Variants in ADGRG5 observed in about 807,000 individuals in gnomAD.
ADGRG5 encodes adhesion G protein-coupled receptor G5, also known as G protein-coupled receptor 114.
In ADGRG5, 37 loss-of-function variants were observed where a neutral mutation model predicts 53.2. The observed-to-expected ratio is 0.70, with a 90% confidence interval of 0.53 to 0.91. The LOEUF (loss-of-function observed/expected upper bound fraction) is 0.91. ADGRG5 is among the 40% of genes least tolerant of loss of function. The pLI is 0.00. For missense variants in ADGRG5, 614 were observed against 675.8 expected (o/e 0.91, Z 1.01); for synonymous variants, 277 against 290.4 (o/e 0.95, Z 0.47).
chr16:57,577,135 A>T lies in ADGRG5; in HGVS notation c.*1597A>T, dbSNP rs2033537681. 6.6e-6 allele frequency: 1 copy of T among 152,226 alleles called. No individual in the cohort carries two copies. Among genetic ancestry groups the T allele is most frequent in the African/African-American group, 2.4e-5 (1 of 41,448 alleles). 9.4% of individuals were successfully genotyped at this position (152,226 alleles called of 1,614,324 possible). A position where few individuals can be genotyped will look rare whatever the true frequency, so the allele number is the denominator to read the frequency against. On this transcript the variant is annotated 3_prime_UTR_variant, in exon 12 of 12. Transcript: ENST00000349457. ...GGCCATAGTGGTACCTATTTTGAAG[A>T]CTAAGTAAAAGAATTCAAATAAAGA...
intron 1 of ADGRG5, among the ~76,000 whole-genome samples, chr16:57,553,950 T>A (rs1179588000): frequency 6.6e-6 from 1 of 152,238 alleles, no homozygotes; most frequent in Non-Finnish European, 1.5e-5. Context: ...TATTATAACT[T>A]TTTTAAATGT....
In ADGRG5 at chr16:57,575,091, C is replaced by T. The variant is rs370635864; in HGVS notation, c.1485C>T (p.Tyr495=). 1.1e-4 allele frequency: 177 copies of T among 1,610,216 alleles called. No individual in the cohort carries two copies. The highest frequency in any genetic ancestry group is 9.9e-4 in the Middle Eastern group (6 of 6,040). Residue 495 remains tyrosine, a splice_region_variant and synonymous_variant, in exon 11 of 12, where the codon TAC becomes TAT. Transcript: ENST00000349457. ...LFLFTILNSL[Y]GFFLFLWFCS... is the part of the protein sequence containing the mutation. ...TCTTCACCATCTTAAACTCGCTCTACGGTAGGGCTGGAGGGCGGCCTGGAG... is the reference window on the plus strand; with the variant it reads ...TCTTCACCATCTTAAACTCGCTCTATGGTAGGGCTGGAGGGCGGCCTGGAG...
the ADGRG5 span, among the ~76,000 whole-genome samples, chr16:57,535,876 C>T: frequency 1.3e-5 from 2 of 152,112 alleles, no homozygotes; most frequent in African/African-American, 4.8e-5. Flanking sequence ...CCTGGGAGAG[C>T]GGGGGTGGGA....
chr16:57,557,822 A>G (rs779780680), intron 1 of ADGRG5, among the ~76,000 whole-genome samples: 10 of 152,224 alleles, frequency 6.6e-5, no homozygotes, highest in Non-Finnish European at 1.0e-4. Context: ...CTACTTGACT[A>G]GCCTTAATAG....
the ADGRG5 span, among the ~76,000 whole-genome samples, chr16:57,536,045 C>T: frequency 3.3e-5 from 5 of 152,160 alleles, no homozygotes; most frequent in Non-Finnish European, 5.9e-5. Flanking sequence ...CGGCCCGCGC[C>T]GCGCGGTCCC....
chr16:57,562,754 A>G (rs556593718), intron 3 of ADGRG5, among the ~76,000 whole-genome samples: 2 of 152,286 alleles, frequency 1.3e-5, no homozygotes, highest in African/African-American at 4.8e-5. Flanking sequence ...TCCAGGGTCT[A>G]TGACCCAAAG....
chr16:57,532,698 GACACACACACACACACAC>G, the ADGRG5 span, among the ~76,000 whole-genome samples: 14 of 148,282 alleles, frequency 9.4e-5, no homozygotes, highest in African/African-American at 2.7e-4. Flanking sequence ...AAGTGAAGCA[GACACACACACACACACAC>G]ACACACACAC....
intron 1 of ADGRG5, among the ~76,000 whole-genome samples, chr16:57,545,970 C>A (rs1180157960): frequency 6.6e-6 from 1 of 152,058 alleles, no homozygotes; most frequent in African/African-American, 2.4e-5. Flanking sequence ...GGATTACAGG[C>A]ACGCTCCACT....
At chr16:57,570,668 G>A in intron 10 of ADGRG5, 133 bp downstream of exon 10, 1 of 665,146 alleles carries the variant, frequency 1.5e-6, no homozygotes. Context: ...GCTTAGACAG[G>A]GGAGTTTGCA....
upstream of ADGRG5, among the ~76,000 whole-genome samples, chr16:57,538,306 A>G (rs1217216888): frequency 6.6e-6 from 1 of 152,102 alleles, no homozygotes; most frequent in African/African-American, 2.4e-5. Flanking sequence ...GAGAAAAGTG[A>G]AGATCAGAAA....
chr16:57,529,933 C>T, the ADGRG5 span, among the ~76,000 whole-genome samples: 1 of 152,192 alleles, frequency 6.6e-6, no homozygotes, highest in Admixed American at 6.5e-5. The surrounding 1 kb of genome is among the most constrained non-coding windows in gnomAD (Gnocchi z 4.1). Flanking sequence ...TTGTGGAGGG[C>T]AGGCCACAAG....
At chr16:57,562,179 G>A (rs1188141281) in intron 2 of ADGRG5, 22 bp downstream of exon 2, 1 of 1,584,180 alleles carries the variant, frequency 6.3e-7, no homozygotes, top group Non-Finnish European at 8.6e-7. Context: ...CTGCTGAACT[G>A]GGGGCAGCCC....
chr16:57,568,356 C>T (rs554864328), intron 9 of ADGRG5, among the ~76,000 whole-genome samples: 29 of 151,938 alleles, frequency 1.9e-4, no homozygotes, highest in African/African-American at 6.3e-4. Context: ...CCTCCTCCAC[C>T]TTCATTATCA....
chr16:57,563,718 G>A (rs2033060751), intron 4 of ADGRG5, 130 bp from the exon 5 acceptor site: 1 of 1,193,802 alleles, frequency 8.4e-7, no homozygotes, highest in Non-Finnish European at 1.2e-6. Context: ...AGGAGATGCA[G>A]CCTGGGGGGA....
chr16:57,551,323 T>C (rs1243617136), intron 1 of ADGRG5, among the ~76,000 whole-genome samples: 1 of 152,248 alleles, frequency 6.6e-6, no homozygotes, highest in African/African-American at 2.4e-5. Context: ...TTCTGTAGCA[T>C]GTGATGCTGT....
At chr16:57,532,717 A>G in the ADGRG5 span, among the ~76,000 whole-genome samples, 1 of 151,866 alleles carries the variant, frequency 6.6e-6, no homozygotes, top group Non-Finnish European at 1.5e-5. Context: ...ACACACACAC[A>G]CACACACACA....
chr16:57,547,535 A>C (rs1393634815), intron 1 of ADGRG5, among the ~76,000 whole-genome samples: 2 of 151,888 alleles, frequency 1.3e-5, no homozygotes, highest in African/African-American at 4.8e-5. Context: ...ACCTCCGCCT[A>C]CTGGGTTCAA....
intron 11 of ADGRG5, 44 bp downstream of exon 11, chr16:57,575,136 T>C: frequency 6.3e-7 from 1 of 1,574,966 alleles, no homozygotes; most frequent in South Asian, 1.2e-5. Flanking sequence ...TGGCAGGGGG[T>C]GTATGGCTGG....
At chr16:57,572,458 G>A (rs991308262) in intron 10 of ADGRG5, among the ~76,000 whole-genome samples, 15 of 151,678 alleles carry the variant, frequency 9.9e-5, no homozygotes, top group African/African-American at 2.4e-4. Flanking sequence ...GGGCGACAGC[G>A]AGACTCTGAC....
Sources: gnomAD v4.1 joint callset for allele counts (sites outside exome capture counted in the v4.1 genomes callset) on GRCh38, gnomAD v4.1.1 for gene constraint, Gnocchi (gnomAD v3.1) non-coding constraint, MANE v1.5 for transcripts, NCBI Gene and HGNC (gene_info 2026-07-23, HGNC 2026-07-21) for gene names.